The following ZNF710 variants were observed in gnomAD, a reference collection of about 807,000 sequenced individuals.
ZNF710 encodes the protein zinc finger protein 710.
Under a neutral mutation model 50.6 loss-of-function variants are expected in ZNF710, and 13 were observed. That is an observed-to-expected ratio of 0.26 (90% CI 0.17 to 0.41). The LOEUF (loss-of-function observed/expected upper bound fraction) is 0.41. Among genes scored for constraint, ZNF710 ranks in the 10% least tolerant of loss-of-function variants. The pLI, the probability that ZNF710 is intolerant of heterozygous loss-of-function variation, is 1.00. For missense variants in ZNF710, 721 were observed against 936.6 expected (o/e 0.77, Z 3.01); for synonymous variants, 383 against 397.0 (o/e 0.96, Z 0.42).
intron 1 of ZNF710, among the ~76,000 whole-genome samples, chr15:90,046,138 G>A (rs1308760730): frequency 6.6e-6 from 1 of 152,190 alleles, no homozygotes; most frequent in Non-Finnish European, 1.5e-5. Flanking sequence ...GCCCTGAGAT[G>A]TCAGTGGCCT....
Position 90,067,825 on chromosome 15 carries a change from G to T in ZNF710, c.688G>T (p.Glu230Ter). 1 of 1,586,708 alleles carries T rather than the reference G, an allele frequency of 6.3e-7. No individual in the cohort carries two copies. Residue 230 changes from glutamate (E) to a stop codon, truncating the protein, a stop_gained, in exon 2 of 5, where the codon GAG becomes TAG. Transcript: ENST00000268154. LOFTEE classifies it high-confidence loss of function. The surrounding 1 kb of genome is among the most constrained non-coding windows in gnomAD (Gnocchi z 8.1). Reference protein sequence around the residue: ...PPHLAPLSDPEAPSMESPEPV... With the variant: ...PPHLAPLSDP ...CCACCTGGCCCCCCTGAGTGACCCC[G>T]AGGCCCCCAGCATGGAGTCCCCGGA... is the stretch of plus-strand genomic sequence containing the variant.
chr15:90,074,970 G>C (rs1900543756), intron 4 of ZNF710: 2 of 169,440 alleles, frequency 1.2e-5, no homozygotes, highest in South Asian at 2.8e-4. Flanking sequence ...CTGACGTTAA[G>C]ATCTGGGAGA....
In ZNF710 at chr15:90,068,929, C is replaced by A. The variant is rs1473641942; in HGVS notation, c.1458+334C>A. Among the ~76,000 whole-genome samples, 1 of 151,472 alleles carries A rather than the reference C, an allele frequency of 6.6e-6. No homozygotes were observed. Among genetic ancestry groups the A allele is most frequent in the Non-Finnish European group, 1.5e-5 (1 of 67,844 alleles). Reference sequence around the variant, plus strand: ...GCAAAATAATGAGACCCCATCGCTACAAAAAAATTTAAACATGGCTAGGCG... The same window carrying A: ...GCAAAATAATGAGACCCCATCGCTAAAAAAAAATTTAAACATGGCTAGGCG... On this transcript the variant is annotated intron_variant, in intron 2 of 4. Coordinates refer to ENST00000268154, the MANE Select transcript of ZNF710 (RefSeq NM_198526.4). The surrounding 1 kb of genome is among the most constrained non-coding windows in gnomAD (Gnocchi z 5.0).
chr15:90,043,465 C>T (rs1899363449), intron 1 of ZNF710, among the ~76,000 whole-genome samples: 1 of 152,248 alleles, frequency 6.6e-6, no homozygotes. Flanking sequence ...CTGTGGCGCC[C>T]CTGGAGAGGG....
intron 1 of ZNF710, among the ~76,000 whole-genome samples, chr15:90,057,258 T>TGCTATGCTTGGAGGCCC (rs1899848256): frequency 2.0e-5 from 3 of 151,920 alleles, no homozygotes; most frequent in Non-Finnish European, 2.9e-5. Flanking sequence ...GGTGGGGGTA[T>TGCTATGCTTGGAGGCCC]GCTATGCTTG....
chr15:90,064,723 A>G (rs941519658), intron 1 of ZNF710, among the ~76,000 whole-genome samples: 7 of 152,060 alleles, frequency 4.6e-5, no homozygotes, highest in Non-Finnish European at 1.0e-4. Flanking sequence ...CCTGACCTCA[A>G]GTGATCTGCC....
chr15:90,011,910 T>A (rs1898314942), intron 1 of ZNF710, among the ~76,000 whole-genome samples: 1 of 152,180 alleles, frequency 6.6e-6, no homozygotes, highest in South Asian at 2.1e-4. Flanking sequence ...TCATTGTTGA[T>A]ATTAAGAAGC....
chr15:90,026,300 AT>A (rs1898779433), intron 1 of ZNF710, among the ~76,000 whole-genome samples: 1 of 150,986 alleles, frequency 6.6e-6, no homozygotes, highest in Non-Finnish European at 1.5e-5. Flanking sequence ...GAAAGGGGAC[AT>A]TGCAATAGAT....
chr15:90,029,894 C>A (rs1157569109), intron 1 of ZNF710, among the ~76,000 whole-genome samples: 4 of 151,600 alleles, frequency 2.6e-5, no homozygotes, highest in Non-Finnish European at 5.9e-5. Flanking sequence ...GGATTACAGG[C>A]GTGACCCACC....
chr15:90,079,955 C>A lies in ZNF710; in HGVS notation c.*126C>A. The A allele has an allele frequency of 1.1e-6, 1 of 939,882 alleles. No homozygotes were observed. Among genetic ancestry groups the A allele is most frequent in the Non-Finnish European group, 1.5e-6 (1 of 665,902 alleles). The allele number at this position is 939,882 out of a possible 1,614,324, so 58.2% of individuals were successfully genotyped here. A position where few individuals can be genotyped will look rare whatever the true frequency, so the allele number is the denominator to read the frequency against. ...GCCCCACTGTTCTGAGCCCTCCCTC[C>A]CCGAGTCATTTGCACCACTAGGGAC... On this transcript the variant is annotated 3_prime_UTR_variant, in exon 5 of 5. Transcript: ENST00000268154.
rs1201697425 is a variant in ZNF710 at position 90,018,470 on chromosome 15, G to A, written c.-29+16856G>A. ...GGCGTGAGCCACCGCGCCCAGCTGG[G>A]GTTTTCCTACCGTGGTTGTAAAAAT... On this transcript the variant is annotated intron_variant, in intron 1 of 4. Transcript: ENST00000268154. Among the ~76,000 whole-genome samples the A allele has an allele frequency of 4.6e-5, 7 of 152,012 alleles. No individual in the cohort carries two copies. In the East Asian group the frequency reaches 7.7e-4, roughly 17 times the overall value.
At chr15:90,066,406 G>A (rs985995450) in intron 1 of ZNF710, among the ~76,000 whole-genome samples, 1 of 151,848 alleles carries the variant, frequency 6.6e-6, no homozygotes, top group South Asian at 2.1e-4. Flanking sequence ...GAGTAGGTGG[G>A]CCTTTTAAAA....
At chr15:90,012,383 C>G (rs1898333634) in intron 1 of ZNF710, among the ~76,000 whole-genome samples, 1 of 150,456 alleles carries the variant, frequency 6.6e-6, no homozygotes, top group South Asian at 2.1e-4. Flanking sequence ...AGCTCCGCCC[C>G]CCGGGTTCAC....
At chr15:90,057,698 A>G (rs1426611358) in intron 1 of ZNF710, among the ~76,000 whole-genome samples, 1 of 147,578 alleles carries the variant, frequency 6.8e-6, no homozygotes, top group Non-Finnish European at 1.5e-5. Flanking sequence ...CTAAATAATA[A>G]TAATAATAAT....
chr15:90,056,300 G>C (rs1255870681), intron 1 of ZNF710, among the ~76,000 whole-genome samples: 1 of 152,110 alleles, frequency 6.6e-6, no homozygotes, highest in Non-Finnish European at 1.5e-5. Flanking sequence ...TGTAATCCCA[G>C]CTACTCAGGA....
chr15:90,038,802 C>T (rs1391091072), intron 1 of ZNF710, among the ~76,000 whole-genome samples: 2 of 150,166 alleles, frequency 1.3e-5, no homozygotes, highest in Admixed American at 6.7e-5. Context: ...TTTGTGTAAT[C>T]GAATATGTTC....
intron 1 of ZNF710, among the ~76,000 whole-genome samples, chr15:90,016,490 A>G (rs375164894): frequency 7.9e-5 from 12 of 152,130 alleles, no homozygotes; most frequent in Admixed American, 5.9e-4. Context: ...CACCCACGCT[A>G]GAATGCAGTG....
At chr15:90,002,739 C>T (rs1898046547) in intron 1 of ZNF710, among the ~76,000 whole-genome samples, 1 of 152,238 alleles carries the variant, frequency 6.6e-6, no homozygotes, top group Non-Finnish European at 1.5e-5. Flanking sequence ...TGCTTCCCTC[C>T]AGTCTAAGCT....
intron 1 of ZNF710, among the ~76,000 whole-genome samples, chr15:90,047,460 G>A (rs1254309355): frequency 5.3e-5 from 8 of 152,246 alleles, no homozygotes; most frequent in Admixed American, 2.0e-4. Context: ...GATCTAAACC[G>A]GTGCTTCAAA....
Sources: allele counts gnomAD v4.1 joint callset (sites outside exome capture counted in the v4.1 genomes callset), GRCh38; gene constraint gnomAD v4.1.1; non-coding constraint Gnocchi (gnomAD v3.1); transcripts MANE v1.5; gene names NCBI Gene and HGNC (gene_info 2026-07-23, HGNC 2026-07-21).